NRXN3: variants seen among roughly 807,000 people sequenced by gnomAD.
NRXN3 encodes neurexin 3, also known as neurexin III.
NRXN3 carries 32 observed loss-of-function variants against 137.6 expected under a neutral mutation model. That is an observed-to-expected ratio of 0.23 (90% CI 0.18 to 0.31). The LOEUF is 0.31. NRXN3 is among the 10% of genes least tolerant of loss of function. The probability of loss-of-function intolerance (pLI) is 1.00; values close to 1 mark genes in which losing one functional copy is unlikely to be tolerated. For missense variants in NRXN3, 1,574 were observed against 2,062.5 expected (o/e 0.76, Z 4.59); for synonymous variants, 798 against 784.5 (o/e 1.02, Z -0.29).
At chr14:79,504,674 T>TATATATATATAA (rs1464757508) in intron 16 of NRXN3, among the ~76,000 whole-genome samples, 36 of 143,446 alleles carry the variant, frequency 2.5e-4, no homozygotes, top group African/African-American at 6.5e-4. Context: ...TATATATATA[T>TATATATATATAA]AAAACATTAC....
chr14:78,371,513 G>A (rs2086824563), intron 4 of NRXN3, among the ~76,000 whole-genome samples: 1 of 152,174 alleles, frequency 6.6e-6, no homozygotes, highest in Non-Finnish European at 1.5e-5. Flanking sequence ...CCTGGATGTG[G>A]GAACCCAAAA....
intron 4 of NRXN3, among the ~76,000 whole-genome samples, chr14:78,599,574 CA>C (rs1004458287): frequency 1.3e-5 from 2 of 152,200 alleles, no homozygotes; most frequent in African/African-American, 4.8e-5. Context: ...CCTTCAGGAT[CA>C]CCATTGATTC....
At chr14:79,065,809 A>G (rs899018339) in intron 15 of NRXN3, among the ~76,000 whole-genome samples, 1 of 151,828 alleles carries the variant, frequency 6.6e-6, no homozygotes, top group Non-Finnish European at 1.5e-5. Context: ...TATTTTTACA[A>G]TTTTTATTTT....
In NRXN3 at chr14:78,826,417, C is replaced by T. The variant is rs78395616; in HGVS notation, c.2275+16073C>T. Among the ~76,000 whole-genome samples the T allele has an allele frequency of 4.9e-4, 74 of 152,216 alleles. 5 individuals carry two copies. In the East Asian group the frequency reaches 0.014, roughly 30 times the overall value. Reference sequence around the variant, plus strand: ...GTAGGCAAGAACATTCAAGCCAAGGCTCCAAGTCCCTGGCTCATGTTCCAT... The same window carrying T: ...GTAGGCAAGAACATTCAAGCCAAGGTTCCAAGTCCCTGGCTCATGTTCCAT... On this transcript the variant is annotated intron_variant, in intron 10 of 20. Transcript: ENST00000335750.
intron 19 of NRXN3, among the ~76,000 whole-genome samples, chr14:79,781,906 G>A (rs1161809518): frequency 6.6e-6 from 1 of 152,178 alleles, no homozygotes; most frequent in Non-Finnish European, 1.5e-5. Context: ...GTGTCCTACA[G>A]AGATTCATTC....
chr14:78,782,880 A>G (rs1360769825), intron 8 of NRXN3, among the ~76,000 whole-genome samples: 1 of 152,200 alleles, frequency 6.6e-6, no homozygotes, highest in African/African-American at 2.4e-5. Context: ...TTCAAATGTC[A>G]TGATAAGCAC....
chr14:78,904,816 A>T lies in NRXN3; in HGVS notation c.2276-52426A>T, dbSNP rs1001828117. 2.0e-5 allele frequency among the ~76,000 whole-genome samples: 3 copies of T among 150,088 alleles called. No individual in the cohort carries two copies. The East Asian group carries it at 6.0e-4, about 30-fold the overall frequency. ...TAGTTCTCCTGACTTCCTCGTCTCC[A>T]ATCAGTTACTGAATATGAATGACCT... On this transcript the variant is annotated intron_variant, in intron 10 of 20. Transcript: ENST00000335750.
At chr14:79,257,177 G>A (rs1001853030) in intron 15 of NRXN3, among the ~76,000 whole-genome samples, 2 of 151,958 alleles carry the variant, frequency 1.3e-5, no homozygotes, top group Non-Finnish European at 2.9e-5. Flanking sequence ...GGAGGGCGAG[G>A]GGGAGGTGTG....
intron 15 of NRXN3, among the ~76,000 whole-genome samples, chr14:79,196,778 G>C (rs776527824): frequency 1.3e-5 from 2 of 152,144 alleles, no homozygotes; most frequent in Non-Finnish European, 2.9e-5. Flanking sequence ...ATATTGTGCA[G>C]CTCAAATTAG....
chr14:79,062,953 A>C (rs1011703652), intron 15 of NRXN3, among the ~76,000 whole-genome samples: 1 of 152,176 alleles, frequency 6.6e-6, no homozygotes, highest in South Asian at 2.1e-4. Flanking sequence ...TACTCCCTTA[A>C]AGGCAGTAAT....
intron 15 of NRXN3, among the ~76,000 whole-genome samples, chr14:79,236,016 T>C (rs1281914041): frequency 2.6e-5 from 4 of 152,234 alleles, no homozygotes; most frequent in Non-Finnish European, 5.9e-5. Flanking sequence ...CCTTCTGACA[T>C]TTTCAACTTG....
chr14:78,962,693 A>T (rs2099410410), intron 11 of NRXN3, among the ~76,000 whole-genome samples: 1 of 151,834 alleles, frequency 6.6e-6, no homozygotes, highest in South Asian at 2.1e-4. Context: ...CAGTGAAGCC[A>T]ATTCTTTTTC....
At chr14:79,820,029 C>T (rs1031011105) in intron 20 of NRXN3, among the ~76,000 whole-genome samples, 5 of 134,584 alleles carry the variant, frequency 3.7e-5, no homozygotes, top group African/African-American at 1.4e-4. Context: ...TCCTTGATCT[C>T]CCGCCCACAT....
intron 10 of NRXN3, among the ~76,000 whole-genome samples, chr14:78,831,027 G>C (rs984337111): frequency 1.3e-5 from 2 of 152,142 alleles, no homozygotes; most frequent in Non-Finnish European, 2.9e-5. Context: ...AAAAAGAAGT[G>C]AGAAATAGAT....
chr14:78,314,451 C>T (rs562551566), intron 4 of NRXN3, among the ~76,000 whole-genome samples: 27 of 152,282 alleles, frequency 1.8e-4, no homozygotes, highest in Admixed American at 1.6e-3. Flanking sequence ...AGACACCTTC[C>T]GTCCTGTAGC....
rs142444950 is a variant in NRXN3, at chr14:79,070,697, G to A, written c.3262+82556G>A. ...CCTCCCACTTCCATTTTTTTCTTCC[G>A]ATAGGGGAAATAAGTTAACCAAAAT... On this transcript the variant is annotated intron_variant, in intron 15 of 20. Coordinates refer to ENST00000335750, the MANE Select transcript of NRXN3 (RefSeq NM_001330195.2). Among the ~76,000 whole-genome samples the A allele has an allele frequency of 6.3e-3, 957 of 151,716 alleles. 10 individuals carry two copies. Among genetic ancestry groups the A allele is most frequent in the African/African-American group, 0.022 (891 of 41,350 alleles).
chr14:79,794,829 G>C (rs1226098267), intron 19 of NRXN3, among the ~76,000 whole-genome samples: 4 of 152,150 alleles, frequency 2.6e-5, no homozygotes, highest in Non-Finnish European at 4.4e-5. Context: ...TGTGCCATTG[G>C]GGCATCAGGA....
chr14:79,541,012 C>T (rs2097266967), intron 16 of NRXN3, among the ~76,000 whole-genome samples: 1 of 152,182 alleles, frequency 6.6e-6, no homozygotes, highest in Non-Finnish European at 1.5e-5. Flanking sequence ...CCATGCCTCT[C>T]TCCCAGCTTC....
rs554775751 is a variant in NRXN3 at position 79,844,155 on chromosome 14, G to A, written c.4094-17187G>A. Reference sequence around the variant, plus strand: ...ATTAAAGTTTTATCATAACATTACAGCAATTCAGTCACATCTTCAGGTCTT... The same window carrying A: ...ATTAAAGTTTTATCATAACATTACAACAATTCAGTCACATCTTCAGGTCTT... On this transcript the variant is annotated intron_variant, in intron 20 of 20. Coordinates refer to ENST00000335750, the MANE Select transcript of NRXN3 (RefSeq NM_001330195.2). Among the ~76,000 whole-genome samples, 133 of 151,924 alleles carry A rather than the reference G, an allele frequency of 8.8e-4. 2 individuals are homozygous for A. The highest frequency in any genetic ancestry group is 3.1e-3 in the African/African-American group (128 of 41,428).
Sources: gnomAD v4.1 joint callset for allele counts (sites outside exome capture counted in the v4.1 genomes callset) on GRCh38, gnomAD v4.1.1 for gene constraint, MANE v1.5 for transcripts, NCBI Gene and HGNC (gene_info 2026-07-23, HGNC 2026-07-21) for gene names.